The following EBF3 variants were observed in gnomAD, a reference collection of about 807,000 sequenced individuals.
EBF3 encodes the protein EBF transcription factor 3.
A neutral mutation model predicts 77.1 loss-of-function variants in EBF3; 18 were observed. The ratio of observed to expected loss-of-function variants is 0.23; its 90% CI spans 0.16 to 0.35. The LOEUF (loss-of-function observed/expected upper bound fraction) is 0.35. Among genes scored for constraint, EBF3 ranks in the 10% least tolerant of loss-of-function variants. EBF3 has a pLI of 1.00. For missense variants in EBF3, 558 were observed against 860.0 expected, an observed-to-expected ratio of 0.65 and a Z score of 4.39; for synonymous variants, 350 against 343.5, an observed-to-expected ratio of 1.02 and a Z score of -0.21.
At chr10:129,873,002 G>A (rs1447607686) in intron 8 of EBF3, among the ~76,000 whole-genome samples, 3 of 151,604 alleles carry the variant, frequency 2.0e-5, no homozygotes, top group Non-Finnish European at 4.4e-5. Context: ...GTGTGAACAC[G>A]CACATACACG....
chr10:129,908,724 A>G (rs1174137805), intron 6 of EBF3, among the ~76,000 whole-genome samples: 1 of 152,206 alleles, frequency 6.6e-6, no homozygotes, highest in East Asian at 1.9e-4. Context: ...CATCATGGAC[A>G]CAGGCCAGCT....
Position 129,837,798 on chromosome 10 carries a change from T to C in EBF3, c.*145A>G. On this transcript the variant is annotated 3_prime_UTR_variant, in exon 17 of 17. Transcript: ENST00000440978. ...TTAAATAAAATCTTTAAACAAAGTC[T>C]TTTGTAGCATTTCAATTGCTGCTGA... The C allele has an allele frequency of 3.8e-6, 4 of 1,057,168 alleles. No individual in the cohort carries two copies. The highest frequency in any genetic ancestry group is 5.6e-6 in the Non-Finnish European group (4 of 712,098). The allele number at this position is 1,057,168 out of a possible 1,614,324, so 65.5% of individuals were successfully genotyped here.
At chr10:129,895,291 T>C (rs555989190) in intron 6 of EBF3, among the ~76,000 whole-genome samples, 3 of 152,300 alleles carry the variant, frequency 2.0e-5, no homozygotes, top group Admixed American at 6.5e-5. Flanking sequence ...CTCTGCGAAG[T>C]GGATGGATGC....
intron 6 of EBF3, among the ~76,000 whole-genome samples, chr10:129,878,662 A>C (rs1450227434): frequency 3.3e-5 from 3 of 91,614 alleles, no homozygotes; most frequent in African/African-American, 1.3e-4. Context: ...GCTCTGTCTC[A>C]AAAAAAAAAA....
intron 6 of EBF3, among the ~76,000 whole-genome samples, chr10:129,942,347 C>A (rs914755588): frequency 2.0e-5 from 3 of 152,152 alleles, no homozygotes; most frequent in Non-Finnish European, 4.4e-5. Context: ...CAAAAATAAA[C>A]CCCCAAAATC....
chr10:129,933,822 C>T (rs963339404), intron 6 of EBF3, among the ~76,000 whole-genome samples: 6 of 152,210 alleles, frequency 3.9e-5, no homozygotes, highest in Admixed American at 6.5e-5. Context: ...CCCAGTACTG[C>T]CCCCAGTGCC....
At chr10:129,875,185 TTC>T (rs1459916972) in intron 7 of EBF3, among the ~76,000 whole-genome samples, 10 of 141,330 alleles carry the variant, frequency 7.1e-5, no homozygotes, top group Non-Finnish European at 9.5e-5. Flanking sequence ...TGATGGCTTC[TTC>T]TTTTTTTTTT....
At chr10:129,865,851 T>C (rs906959932) in intron 10 of EBF3, among the ~76,000 whole-genome samples, 1 of 152,186 alleles carries the variant, frequency 6.6e-6, no homozygotes, top group Non-Finnish European at 1.5e-5. Flanking sequence ...CTGTGTCCCA[T>C]TGGGCGTCCT....
At chr10:129,932,344 C>T (rs1244519499) in intron 6 of EBF3, among the ~76,000 whole-genome samples, 1 of 152,208 alleles carries the variant, frequency 6.6e-6, no homozygotes, top group African/African-American at 2.4e-5. Context: ...GCCCTCACCC[C>T]TGCAACAAGG....
chr10:129,912,414 G>A (rs906298965), intron 6 of EBF3, among the ~76,000 whole-genome samples: 27 of 152,148 alleles, frequency 1.8e-4, no homozygotes, highest in Admixed American at 1.4e-3. Context: ...CCTGCAGGAT[G>A]GGAAATAGAG....
At chr10:129,908,352 G>A (rs547149181) in intron 6 of EBF3, among the ~76,000 whole-genome samples, 2 of 152,252 alleles carry the variant, frequency 1.3e-5, no homozygotes, top group East Asian at 1.9e-4. Context: ...TTGGCATTCC[G>A]CATGTAAATA....
At chr10:129,918,649 C>T (rs1856059547) in intron 6 of EBF3, among the ~76,000 whole-genome samples, 2 of 152,228 alleles carry the variant, frequency 1.3e-5, no homozygotes, top group African/African-American at 4.8e-5. Flanking sequence ...ACCCCCCTCC[C>T]CAGCTCCCTG....
chr10:129,963,251 G>A lies in EBF3; in HGVS notation c.291+116C>T. 1 of 1,412,250 alleles carries A rather than the reference G, an allele frequency of 7.1e-7. No individual in the cohort carries two copies. The highest frequency in any genetic ancestry group is 9.3e-7 in the Non-Finnish European group (1 of 1,073,464). 87.5% of individuals were successfully genotyped at this position (1,412,250 alleles called of 1,614,324 possible). A position where few individuals can be genotyped will look rare whatever the true frequency, so the allele number is the denominator to read the frequency against. ...GGCGGCCGCACGTGGCGGCGGCGGG[G>A]TGGCCTGGCGGAGCCGAGCCCGCCG... On this transcript the variant is annotated intron_variant, in intron 2 of 16. Transcript: ENST00000440978. This position sits in a 1 kb window ranked among gnomAD's most constrained non-coding sequence, Gnocchi z 7.1.
At chr10:129,838,456 C>T (rs1849763095) in intron 16 of EBF3, among the ~76,000 whole-genome samples, 1 of 152,222 alleles carries the variant, frequency 6.6e-6, no homozygotes. Flanking sequence ...GGTCTGGGCT[C>T]TGACCGTGCG....
At chr10:129,948,729 G>C (rs146894507) in intron 6 of EBF3, among the ~76,000 whole-genome samples, 1 of 152,152 alleles carries the variant, frequency 6.6e-6, no homozygotes, top group South Asian at 2.1e-4. Flanking sequence ...TTTTTAAAGC[G>C]TTATGAGAAC....
Position 129,962,206 on chromosome 10 carries a change from G to T in EBF3, c.376C>A (p.Leu126Met). Residue 126 changes from leucine (L) to methionine (M), a missense_variant, in exon 4 of 17, where the codon CTG (leucine) becomes ATG (methionine). By Grantham distance (15) the Leu-to-Met change is conservative (BLOSUM62 2). Transcript: ENST00000440978. ...ATTGAATCTATGAGGCGAACATACA[G>T]ATCTTGCTCTGTTCTGACTCCTGCA... Reference protein sequence around the residue: ...YSNGVRTEQDLYVRLIDSMTK... With the variant: ...YSNGVRTEQDMYVRLIDSMTK... 6.2e-7 allele frequency: 1 copy of T among 1,614,102 alleles called. No individual in the cohort carries two copies. Among genetic ancestry groups the T allele is most frequent in the Non-Finnish European group, 8.5e-7 (1 of 1,180,020 alleles).
chr10:129,919,864 G>A (rs1223083719), intron 6 of EBF3, among the ~76,000 whole-genome samples: 1 of 152,166 alleles, frequency 6.6e-6, no homozygotes, highest in East Asian at 1.9e-4. Context: ...CCAGGAGTCT[G>A]CCCAGTGCCG....
At chr10:129,925,401 C>A (rs1383558848) in intron 6 of EBF3, among the ~76,000 whole-genome samples, 1 of 151,604 alleles carries the variant, frequency 6.6e-6, no homozygotes, top group African/African-American at 2.4e-5. Flanking sequence ...ACCAGGCTGG[C>A]CAACATAGTG....
intron 6 of EBF3, among the ~76,000 whole-genome samples, chr10:129,945,723 T>C (rs1005196374): frequency 3.9e-5 from 6 of 152,210 alleles, no homozygotes; most frequent in Admixed American, 1.3e-4. Context: ...TAATTACTGC[T>C]TCCCTGGATC....
Sources: gnomAD v4.1 joint callset for allele counts (sites outside exome capture counted in the v4.1 genomes callset) on GRCh38, gnomAD v4.1.1 for gene constraint, Gnocchi (gnomAD v3.1) non-coding constraint, MANE v1.5 for transcripts, NCBI Gene and HGNC (gene_info 2026-07-23, HGNC 2026-07-21) for gene names.